FBXO34: variants seen among roughly 807,000 people sequenced by gnomAD.
The protein encoded by FBXO34 is F-box protein 34.
Under a neutral mutation model 24.5 loss-of-function variants are expected in FBXO34, and 12 were observed. That is an observed-to-expected ratio of 0.49 (90% confidence interval 0.31 to 0.79). The LOEUF is 0.79. Among genes scored for constraint, FBXO34 ranks in the 30% least tolerant of loss-of-function variants. The probability of loss-of-function intolerance (pLI) is 0.04; values close to 1 mark genes in which losing one functional copy is unlikely to be tolerated. For missense variants in FBXO34, 823 were observed against 857.7 expected, an observed-to-expected ratio of 0.96 and a Z score of 0.51; for synonymous variants, 320 against 311.9, an observed-to-expected ratio of 1.03 and a Z score of -0.27.
At chr14:55,423,135 T>C in the FBXO34 span, among the ~76,000 whole-genome samples, 7 of 152,320 alleles carry the variant, frequency 4.6e-5, no homozygotes, top group South Asian at 1.5e-3. Flanking sequence ...ATGCTATTTA[T>C]TGGATGTGTT....
intron 1 of FBXO34, 37 bp from the exon 2 acceptor site, chr14:55,350,344 T>G: frequency 7.0e-7 from 1 of 1,431,970 alleles, no homozygotes; most frequent in Non-Finnish European, 9.2e-7. Context: ...AAAAACAAAA[T>G]TGGTTTCTGA....
At chr14:55,344,783 CATT>C (rs1298975707) in intron 1 of FBXO34, among the ~76,000 whole-genome samples, 1 of 151,944 alleles carries the variant, frequency 6.6e-6, no homozygotes, top group Non-Finnish European at 1.5e-5. Context: ...CATGTGTTCT[CATT>C]GTTCAACTCC....
chr14:55,308,014 G>A (rs962133218), intron 1 of FBXO34, among the ~76,000 whole-genome samples: 1 of 152,136 alleles, frequency 6.6e-6, no homozygotes, highest in Non-Finnish European at 1.5e-5. Flanking sequence ...TGTTCTCCTC[G>A]TGGTAATAAG....
chr14:55,407,723 T>A, the FBXO34 span, among the ~76,000 whole-genome samples: 6 of 152,130 alleles, frequency 3.9e-5, no homozygotes, highest in African/African-American at 1.4e-4. Context: ...CTTCCTCAAA[T>A]AAATAATATT....
Position 55,338,048 on chromosome 14 carries a change from C to CTTTTTTTTTTTTTTTTTTTTTTTT in FBXO34, c.-10-12314_-10-12313insTTTTTTTTTTTTTTTTTTTTTTTT. Among the ~76,000 whole-genome samples the CTTTTTTTTTTTTTTTTTTTTTTTT allele has an allele frequency of 3.3e-3, 290 of 88,230 alleles. 53 individuals carry two copies. Among genetic ancestry groups the CTTTTTTTTTTTTTTTTTTTTTTTT allele is most frequent in the Middle Eastern group, 0.023 (3 of 130 alleles). 57.9% of individuals were successfully genotyped at this position (88,230 alleles called of 152,430 possible). ...CAATTGGAGATAAGAGTATGTACTTCTTTTTTTTTTTTTTTTTTTGAGATG... is the reference window on the plus strand; with the variant it reads ...CAATTGGAGATAAGAGTATGTACTTCTTTTTTTTTTTTTTTTTTTTTTTTTTTTTTTTTTTTTTTTTTTGAGATG... On this transcript the variant is annotated intron_variant, in intron 1 of 1. Transcript: ENST00000313833.
chr14:55,422,888 T>C, the FBXO34 span, among the ~76,000 whole-genome samples: 1 of 151,980 alleles, frequency 6.6e-6, no homozygotes, highest in Admixed American at 6.6e-5. Context: ...ACAATATATA[T>C]AGCAACCTTC....
chr14:55,280,612 C>T (rs1416750731), intron 1 of FBXO34, among the ~76,000 whole-genome samples: 4 of 147,386 alleles, frequency 2.7e-5, no homozygotes, highest in South Asian at 2.1e-4. Flanking sequence ...CTGCAAGCTC[C>T]GCCTCCCAGG....
At chr14:55,434,046 A>G in the FBXO34 span, among the ~76,000 whole-genome samples, 9 of 152,336 alleles carry the variant, frequency 5.9e-5, no homozygotes, top group African/African-American at 2.2e-4. Flanking sequence ...CTCCAATATT[A>G]CACAGGAAGT....
chr14:55,324,665 A>T (rs1883281693), intron 1 of FBXO34, among the ~76,000 whole-genome samples: 1 of 152,008 alleles, frequency 6.6e-6, no homozygotes, highest in Non-Finnish European at 1.5e-5. Context: ...AGCTCTGTAT[A>T]GGACTGTTTT....
chr14:55,338,048 C>CTTTTTTTTTTTTGTTTTTTTTTTTTTTTT (rs1883847217), intron 1 of FBXO34, among the ~76,000 whole-genome samples: 1 of 88,266 alleles, frequency 1.1e-5, no homozygotes, highest in Non-Finnish European at 2.1e-5. Context: ...GTATGTACTT[C>CTTTTTTTTTTTTGTTTTTTTTTTTTTTTT]TTTTTTTTTT....
chr14:55,292,951 C>T (rs563575634), intron 1 of FBXO34, among the ~76,000 whole-genome samples: 5 of 152,284 alleles, frequency 3.3e-5, no homozygotes, highest in African/African-American at 9.6e-5. Flanking sequence ...GGCACAATCT[C>T]ACCTTACTGC....
At chr14:55,300,231 G>A (rs561861912) in intron 1 of FBXO34, among the ~76,000 whole-genome samples, 4 of 152,176 alleles carry the variant, frequency 2.6e-5, no homozygotes, top group African/African-American at 9.6e-5. Flanking sequence ...ACCCTTTATA[G>A]GTCCATTTTT....
the FBXO34 span, among the ~76,000 whole-genome samples, chr14:55,382,755 G>A: frequency 1.3e-5 from 2 of 152,202 alleles, no homozygotes; most frequent in Non-Finnish European, 2.9e-5. Context: ...ACGGAACCAT[G>A]AGGTAGGGCT....
intron 1 of FBXO34, chr14:55,271,971 C>T (rs1389270467): frequency 6.6e-6 from 1 of 152,308 alleles, no homozygotes; most frequent in Non-Finnish European, 1.5e-5. Context: ...CTGCCCTTCC[C>T]TGCCCCAGCG....
At chr14:55,429,275 C>T in the FBXO34 span, among the ~76,000 whole-genome samples, 11 of 152,214 alleles carry the variant, frequency 7.2e-5, no homozygotes, top group Admixed American at 1.3e-4. Flanking sequence ...TCCAAGGATT[C>T]GCAAAGTGTG....
the FBXO34 span, among the ~76,000 whole-genome samples, chr14:55,442,636 A>G: frequency 6.6e-6 from 1 of 152,238 alleles, no homozygotes; most frequent in Middle Eastern, 3.2e-3. Flanking sequence ...TTAAGAATAA[A>G]GGAAACATTT....
chr14:55,440,660 C>G, the FBXO34 span: 3 of 1,235,006 alleles, frequency 2.4e-6, no homozygotes, highest in Middle Eastern at 2.9e-4. Context: ...AGCTACCGGC[C>G]CATGGGCGCT....
chr14:55,411,940 C>G, the FBXO34 span: 1 of 931,534 alleles, frequency 1.1e-6, no homozygotes, highest in Non-Finnish European at 1.6e-6. Context: ...CCGGACCCCT[C>G]CGCCGCCGCG....
intron 1 of FBXO34, among the ~76,000 whole-genome samples, chr14:55,336,321 T>C (rs1883773774): frequency 6.6e-6 from 1 of 152,230 alleles, no homozygotes. Context: ...AGAACTTATG[T>C]TGGTGCCCGT....
Sources: gnomAD v4.1 joint callset for allele counts (sites outside exome capture counted in the v4.1 genomes callset) on GRCh38, gnomAD v4.1.1 for gene constraint, MANE v1.5 for transcripts, NCBI Gene and HGNC (gene_info 2026-07-23, HGNC 2026-07-21) for gene names.